The following PLSCR4 variants were observed in gnomAD, a reference collection of about 807,000 sequenced individuals.
The protein encoded by PLSCR4 is phospholipid scramblase 4.
PLSCR4 carries 25 observed loss-of-function variants against 36.3 expected under a neutral mutation model. The ratio of observed to expected loss-of-function variants is 0.69; its 90% CI spans 0.50 to 0.96. PLSCR4 has a LOEUF of 0.96. Among genes scored for constraint, PLSCR4 ranks in the 40% least tolerant of loss-of-function variants. PLSCR4 has a pLI of 0.00. For synonymous variants in PLSCR4, 122 were observed against 132.9 expected (o/e 0.92, Z 0.56); for missense variants, 408 against 414.7 (o/e 0.98, Z 0.14).
chr3:146,210,131 C>G (rs2034541022), intron 3 of PLSCR4, among the ~76,000 whole-genome samples: 2 of 152,172 alleles, frequency 1.3e-5, no homozygotes, highest in South Asian at 4.2e-4. Flanking sequence ...CAATAGCTAA[C>G]ACAATGTAAA....
rs1293698646 is a variant in PLSCR4 at position 146,196,656 on chromosome 3, G to A, written c.762C>T (p.Gly254=). The change falls in exon 7 of 9, where the codon GGC becomes GGT. Residue 254 remains glycine (G), a synonymous_variant. Transcript: ENST00000354952. ...MRVRGPCSTY[G]CGSDSVFEVK... is the part of the protein sequence containing the mutation. Reference sequence around the variant, plus strand: ...CCTCAAAAACAGAATCTGAACCACAGCCATAGGTTGAGCATGGCCCACGAA... The same window carrying A: ...CCTCAAAAACAGAATCTGAACCACAACCATAGGTTGAGCATGGCCCACGAA... 6.2e-7 allele frequency: 1 copy of A among 1,613,730 alleles called. No individual in the cohort carries two copies. Among genetic ancestry groups the A allele is most frequent in the East Asian group, 2.2e-5 (1 of 44,872 alleles).
Position 146,202,206 on chromosome 3 carries a change from T to C in PLSCR4, c.355-1129A>G, listed in dbSNP as rs182271694. On this transcript the variant is annotated intron_variant, in intron 4 of 8. Coordinates refer to ENST00000354952, the MANE Select transcript of PLSCR4 (RefSeq NM_020353.3). ...CAAAAGTGACTACTAAAATGGTTTA[T>C]AGTCCATTTTAGAAAAGTAGGGTAT... 2.5e-3 allele frequency among the ~76,000 whole-genome samples: 387 copies of C among 152,122 alleles called. 6 individuals are homozygous for C. The highest frequency in any genetic ancestry group is 3.1e-3 in the Admixed American group (47 of 15,230).
intron 3 of PLSCR4, among the ~76,000 whole-genome samples, chr3:146,216,291 A>C (rs915527449): frequency 1.3e-5 from 2 of 152,136 alleles, no homozygotes; most frequent in African/African-American, 2.4e-5. Flanking sequence ...AGTTTTTGAA[A>C]AGGTCACTCT....
At chr3:146,225,715 G>T (rs1330558410) in intron 1 of PLSCR4, among the ~76,000 whole-genome samples, 1 of 152,196 alleles carries the variant, frequency 6.6e-6, no homozygotes, top group Non-Finnish European at 1.5e-5. Context: ...AGGGCTGGCC[G>T]ACTGCTCCGA....
At chr3:146,215,637 GT>G (rs939922767) in intron 3 of PLSCR4, among the ~76,000 whole-genome samples, 3 of 147,274 alleles carry the variant, frequency 2.0e-5, no homozygotes, top group African/African-American at 2.7e-5. Flanking sequence ...GTATGTATAT[GT>G]TTTTTTTGTG....
At chr3:146,213,822 A>T (rs1218940925) in intron 3 of PLSCR4, among the ~76,000 whole-genome samples, 3 of 152,102 alleles carry the variant, frequency 2.0e-5, no homozygotes, top group African/African-American at 7.2e-5. Context: ...TGTACACACA[A>T]TTGTTCATGT....
Position 146,196,808 on chromosome 3 carries a change from G to A in PLSCR4, c.625-15C>T, listed in dbSNP as rs144255262. The stretch of plus-strand genomic sequence containing the variant: ...TGCACCTCCAGCTGCAAACAAAACA[G>A]TGACAGAAGTTAGGATGCTACATGC... On this transcript the variant is annotated splice_polypyrimidine_tract_variant and intron_variant, in intron 6 of 8. Coordinates refer to ENST00000354952, the MANE Select transcript of PLSCR4 (RefSeq NM_020353.3). 48 of 1,612,596 alleles carry A rather than the reference G, an allele frequency of 3.0e-5. No individual in the cohort carries two copies. In the African/African-American group the frequency reaches 4.4e-4, roughly 15 times the overall value.
intron 1 of PLSCR4, among the ~76,000 whole-genome samples, chr3:146,248,697 T>A (rs1435679645): frequency 6.6e-6 from 1 of 152,180 alleles, no homozygotes; most frequent in Admixed American, 6.5e-5. Flanking sequence ...TTGTAAACAA[T>A]CCTACTTTAA....
chr3:146,210,737 G>C (rs1337986971), intron 3 of PLSCR4, among the ~76,000 whole-genome samples: 1 of 151,936 alleles, frequency 6.6e-6, no homozygotes. Flanking sequence ...CCCATTAGCA[G>C]CAATTTCCAT....
intron 4 of PLSCR4, 21 bp downstream of exon 4, chr3:146,206,505 A>G (rs764980658): frequency 2.0e-6 from 3 of 1,528,742 alleles, no homozygotes; most frequent in African/African-American, 2.7e-5. Flanking sequence ...TAAGAAAATA[A>G]TTTGTATTTT....
intron 1 of PLSCR4, among the ~76,000 whole-genome samples, chr3:146,248,475 A>G (rs999260414): frequency 6.6e-6 from 1 of 151,064 alleles, no homozygotes; most frequent in Non-Finnish European, 1.5e-5. Flanking sequence ...TAATTACTAC[A>G]CTACACACAC....
At chr3:146,204,831 A>G (rs2034237305) in intron 4 of PLSCR4, among the ~76,000 whole-genome samples, 1 of 152,078 alleles carries the variant, frequency 6.6e-6, no homozygotes, top group Non-Finnish European at 1.5e-5. Flanking sequence ...ATAAGCTACA[A>G]ACATTTTATT....
chr3:146,227,002 A>G (rs1472775564), intron 1 of PLSCR4, among the ~76,000 whole-genome samples: 2 of 152,170 alleles, frequency 1.3e-5, no homozygotes, highest in African/African-American at 2.4e-5. Flanking sequence ...AAATTTTACA[A>G]TATAGTTTTA....
chr3:146,211,042 A>T (rs2034592982), intron 3 of PLSCR4, among the ~76,000 whole-genome samples: 1 of 144,974 alleles, frequency 6.9e-6, no homozygotes, highest in Non-Finnish European at 1.5e-5. Context: ...GTGATCCTCC[A>T]TGTACAAGTT....
intron 1 of PLSCR4, among the ~76,000 whole-genome samples, chr3:146,235,836 T>C (rs1315263866): frequency 6.6e-6 from 1 of 152,168 alleles, no homozygotes; most frequent in Non-Finnish European, 1.5e-5. Context: ...GCAAAGGTAC[T>C]TCTGTTCCTT....
chr3:146,203,641 A>G (rs2034163377), intron 4 of PLSCR4, among the ~76,000 whole-genome samples: 1 of 151,802 alleles, frequency 6.6e-6, no homozygotes, highest in East Asian at 1.9e-4. Flanking sequence ...TCCCCCCTTA[A>G]GCCTTGTGAG....
intron 4 of PLSCR4, among the ~76,000 whole-genome samples, chr3:146,205,891 A>G (rs145014457): frequency 5.6e-4 from 85 of 152,152 alleles, no homozygotes; most frequent in Middle Eastern, 3.4e-3. Flanking sequence ...TTTTAAACAA[A>G]ACTATTTGTG....
intron 1 of PLSCR4, among the ~76,000 whole-genome samples, chr3:146,233,535 A>C (rs911877921): frequency 3.1e-4 from 47 of 152,288 alleles, no homozygotes; most frequent in African/African-American, 1.1e-3. Flanking sequence ...GATGTTAAGG[A>C]TTACCTACTG....
intron 6 of PLSCR4, among the ~76,000 whole-genome samples, chr3:146,199,316 A>G (rs1250121759): frequency 1.3e-5 from 2 of 152,124 alleles, no homozygotes; most frequent in Admixed American, 6.5e-5. Flanking sequence ...AACTCAGCAC[A>G]TCTGTATTCT....
Sources: allele counts gnomAD v4.1 joint callset (sites outside exome capture counted in the v4.1 genomes callset), GRCh38; gene constraint gnomAD v4.1.1; transcripts MANE v1.5; gene names NCBI Gene and HGNC (gene_info 2026-07-23, HGNC 2026-07-21).